The following MALRD1 variants were observed in gnomAD, a reference collection of about 807,000 sequenced individuals.
MALRD1 encodes the protein MAM and LDL receptor class A domain containing 1, also known as MAM and LDL-receptor class A domain-containing protein 1.
MALRD1 carries 247 observed loss-of-function variants against 242.1 expected under a neutral mutation model. The observed-to-expected ratio is 1.02, with a 90% CI of 0.92 to 1.13. The LOEUF (loss-of-function observed/expected upper bound fraction) is 1.13, where lower values mean the gene tolerates loss of function less well. Among genes scored for constraint, MALRD1 ranks in the 50% most tolerant of loss-of-function variants. The pLI is 0.00. For missense variants in MALRD1, 2,989 were observed against 2,533.1 expected, an observed-to-expected ratio of 1.18 and a Z score of -3.86; for synonymous variants, 995 against 866.6, an observed-to-expected ratio of 1.15 and a Z score of -2.60.
chr10:19,167,188 C>T (rs1289207829), intron 13 of MALRD1, among the ~76,000 whole-genome samples: 3 of 151,682 alleles, frequency 2.0e-5, no homozygotes, highest in Admixed American at 1.3e-4. Flanking sequence ...TGAAACCCCA[C>T]CTCTACAAAA....
At chr10:19,281,101 T>G (rs1186546982) in intron 20 of MALRD1, among the ~76,000 whole-genome samples, 1 of 152,142 alleles carries the variant, frequency 6.6e-6, no homozygotes, top group Non-Finnish European at 1.5e-5. Flanking sequence ...GAAAAAAATG[T>G]TTTTTAATGT....
intron 32 of MALRD1, among the ~76,000 whole-genome samples, chr10:19,562,353 A>T (rs549133903): frequency 7.1e-6 from 1 of 140,030 alleles, no homozygotes; most frequent in Non-Finnish European, 1.6e-5. Context: ...AGTTAGATAG[A>T]TAGATATCTA....
intron 2 of MALRD1, among the ~76,000 whole-genome samples, chr10:19,067,120 G>GAATAATTGGAA (rs1266095558): frequency 6.6e-6 from 1 of 152,092 alleles, no homozygotes; most frequent in Non-Finnish European, 1.5e-5. Context: ...ATTCCAATAG[G>GAATAATTGGAA]TCTGCTTAGA....
At chr10:19,222,004 T>C (rs1313638358) in intron 18 of MALRD1, among the ~76,000 whole-genome samples, 1 of 152,138 alleles carries the variant, frequency 6.6e-6, no homozygotes, top group Non-Finnish European at 1.5e-5. Context: ...TGAACATAAA[T>C]GCTTTCAATT....
At chr10:19,202,667 T>C (rs543886014) in intron 14 of MALRD1, among the ~76,000 whole-genome samples, 16 of 152,316 alleles carry the variant, frequency 1.1e-4, no homozygotes, top group African/African-American at 3.8e-4. Flanking sequence ...TTGATAAAAA[T>C]AGCCAATGGC....
intron 36 of MALRD1, among the ~76,000 whole-genome samples, chr10:19,617,491 C>T (rs902888172): frequency 2.6e-5 from 4 of 151,954 alleles, no homozygotes; most frequent in Admixed American, 6.6e-5. Flanking sequence ...GAAAAAATAA[C>T]TTTTGAAACT....
intron 19 of MALRD1, among the ~76,000 whole-genome samples, chr10:19,273,068 A>C (rs1223219723): frequency 1.3e-5 from 2 of 152,094 alleles, no homozygotes; most frequent in East Asian, 3.9e-4. Flanking sequence ...TCCTGGGTCA[A>C]ATGGTATTTC....
chr10:19,278,038 C>T (rs1227789083), intron 19 of MALRD1, among the ~76,000 whole-genome samples: 1 of 152,056 alleles, frequency 6.6e-6, no homozygotes, highest in African/African-American at 2.4e-5. Context: ...TGTTATTTCT[C>T]CATATTTTTG....
chr10:19,709,154 C>T (rs1217110451), intron 38 of MALRD1, among the ~76,000 whole-genome samples: 1 of 147,864 alleles, frequency 6.8e-6, no homozygotes, highest in East Asian at 2.0e-4. Context: ...GCCTGTAATC[C>T]CAGTGCTTTG....
intron 32 of MALRD1, among the ~76,000 whole-genome samples, chr10:19,535,410 A>G (rs1834622513): frequency 6.6e-6 from 1 of 151,816 alleles, no homozygotes; most frequent in African/African-American, 2.4e-5. Flanking sequence ...TTTTAAAAAA[A>G]TCAGATTTTG....
chr10:19,259,582 G>T (rs12255706), intron 19 of MALRD1, among the ~76,000 whole-genome samples: 1 of 151,950 alleles, frequency 6.6e-6, no homozygotes, highest in Non-Finnish European at 1.5e-5. Flanking sequence ...GGAAAGACCC[G>T]CCCCCGTGAT....
At chr10:19,489,439 C>T (rs1837385095) in intron 29 of MALRD1, 3 of 587,968 alleles carry the variant, frequency 5.1e-6, no homozygotes, top group Admixed American at 3.8e-5. Context: ...GTCCCTGTCT[C>T]CCTTCTTGTA....
At position 19,589,061 on chromosome 10, in the gene MALRD1, G is replaced by A. The variant is rs549331505; in HGVS notation, c.5681-6133G>A. Among the ~76,000 whole-genome samples, 189 of 152,250 alleles carry A rather than the reference G, an allele frequency of 1.2e-3. 1 individual carries two copies. The highest frequency in any genetic ancestry group is 4.6e-3 in the Admixed American group (70 of 15,296). ...AAACATTTTATTGTACATTTTAAGC[G>A]TTGGATTACTGAATATTAAAAGGGA... On this transcript the variant is annotated intron_variant, in intron 33 of 39. Transcript: ENST00000454679.
chr10:19,244,468 G>C (rs558236135), intron 18 of MALRD1, among the ~76,000 whole-genome samples: 1 of 152,186 alleles, frequency 6.6e-6, no homozygotes, highest in Non-Finnish European at 1.5e-5. Context: ...CTACTCCAAG[G>C]CTGAGGTGGG....
intron 32 of MALRD1, among the ~76,000 whole-genome samples, chr10:19,542,069 A>G (rs986134705): frequency 3.3e-5 from 5 of 152,170 alleles, no homozygotes; most frequent in Non-Finnish European, 5.9e-5. Flanking sequence ...AGTAAACTCA[A>G]CTTGAAGAGT....
rs552353319 is a variant in MALRD1 at position 19,358,914 on chromosome 10, GA to G, written c.4441+6626del. Among the ~76,000 whole-genome samples the G allele has an allele frequency of 7.3e-5, 11 of 151,024 alleles. No homozygotes were observed. In the South Asian group the frequency reaches 8.4e-4, roughly 12 times the overall value. On this transcript the variant is annotated intron_variant, in intron 26 of 39. Coordinates refer to ENST00000454679, the MANE Select transcript of MALRD1 (RefSeq NM_001142308.3). ...CTCCTTTGCCTTCACTTTCTCTTCAGAAAAAAAAATTGCTTTCAAAAAGTCT... is the reference window on the plus strand; with the variant it reads ...CTCCTTTGCCTTCACTTTCTCTTCAGAAAAAAAATTGCTTTCAAAAAGTCT...
intron 12 of MALRD1, among the ~76,000 whole-genome samples, chr10:19,165,265 A>ATATATATATATATTTTTTTT: frequency 7.7e-6 from 1 of 130,280 alleles, no homozygotes; most frequent in African/African-American, 3.2e-5. Flanking sequence ...ATATATATAT[A>ATATATATATATATTTTTTTT]TTTTGTTTTG....
intron 1 of MALRD1, among the ~76,000 whole-genome samples, chr10:19,065,946 A>G (rs537298650): frequency 1.2e-4 from 18 of 152,260 alleles, no homozygotes; most frequent in African/African-American, 4.3e-4. Context: ...CCTGCATGGC[A>G]CGAAGATGGA....
At chr10:19,248,401 AAAT>A (rs1839158231) in intron 18 of MALRD1, among the ~76,000 whole-genome samples, 1 of 148,858 alleles carries the variant, frequency 6.7e-6, no homozygotes, top group Admixed American at 7.1e-5. Flanking sequence ...GAAAAAAAAA[AAAT>A]AAAGTGTGAC....
Sources: gnomAD v4.1 joint callset for allele counts (sites outside exome capture counted in the v4.1 genomes callset) on GRCh38, gnomAD v4.1.1 for gene constraint, MANE v1.5 for transcripts, NCBI Gene and HGNC (gene_info 2026-07-23, HGNC 2026-07-21) for gene names.